Variants in MTOR observed in about 807,000 individuals in gnomAD.
MTOR encodes mechanistic target of rapamycin kinase, also known as serine/threonine-protein kinase mTOR.
In MTOR, 70 loss-of-function variants were observed where a neutral mutation model predicts 319.8. The observed-to-expected ratio is 0.22, with a 90% confidence interval of 0.18 to 0.27. The LOEUF (loss-of-function observed/expected upper bound fraction) is 0.27. Ranked by LOEUF, MTOR falls within the 10% of genes least tolerant of loss-of-function variation. MTOR has a pLI of 1.00. For missense variants in MTOR, 1,890 were observed against 3,274.4 expected (o/e 0.58, Z 10.32); for synonymous variants, 1,183 against 1,211.4 (o/e 0.98, Z 0.49).
At chr1:11,156,094 G>T (rs1644311043) in intron 30 of MTOR, among the ~76,000 whole-genome samples, 1 of 152,128 alleles carries the variant, frequency 6.6e-6, no homozygotes, top group Non-Finnish European at 1.5e-5. Flanking sequence ...GGGTTCAAGT[G>T]ATCCTCCTGC....
chr1:11,250,125 G>C (rs1446186575), intron 6 of MTOR, among the ~76,000 whole-genome samples: 1 of 147,606 alleles, frequency 6.8e-6, no homozygotes, highest in Non-Finnish European at 1.5e-5. Flanking sequence ...GGGGCGGCCG[G>C]GCAGAGGCGC....
intron 5 of MTOR, among the ~76,000 whole-genome samples, chr1:11,254,312 G>C (rs2100968341): frequency 1.3e-5 from 2 of 152,122 alleles, no homozygotes; most frequent in South Asian, 4.1e-4. Flanking sequence ...GCTAATTTTT[G>C]TATTTTTAGT....
At chr1:11,110,126 A>C (rs907822937) in intron 54 of MTOR, among the ~76,000 whole-genome samples, 10 of 152,252 alleles carry the variant, frequency 6.6e-5, no homozygotes, top group Admixed American at 5.9e-4. Flanking sequence ...AAATAAACTC[A>C]TAGGAATAAG....
chr1:11,122,362 C>T (rs182209990), intron 47 of MTOR, among the ~76,000 whole-genome samples: 258 of 151,660 alleles, frequency 1.7e-3, no homozygotes, highest in African/African-American at 6.1e-3. Context: ...TGCCACCATG[C>T]CCAACTAATC....
chr1:11,223,388 T>C (rs763128302), intron 19 of MTOR, among the ~76,000 whole-genome samples: 2 of 152,090 alleles, frequency 1.3e-5, no homozygotes, highest in African/African-American at 2.4e-5. Context: ...TGTGGTTACA[T>C]GGGAAAAAGT....
At chr1:11,168,372 A>C (rs886892665) in intron 28 of MTOR, among the ~76,000 whole-genome samples, 4 of 152,186 alleles carry the variant, frequency 2.6e-5, no homozygotes, top group South Asian at 4.2e-4. Flanking sequence ...TTAACTTCTC[A>C]TCAGTTGCCT....
At chr1:11,233,078 C>CA in intron 15 of MTOR, 12 of 1,094,126 alleles carry the variant, frequency 1.1e-5, no homozygotes, top group African/African-American at 1.6e-5. Context: ...GGTACAACTC[C>CA]AAAAAAAGAC....
intron 47 of MTOR, among the ~76,000 whole-genome samples, chr1:11,123,406 C>T (rs1642645208): frequency 6.8e-6 from 1 of 148,134 alleles, no homozygotes; most frequent in Admixed American, 6.8e-5. Context: ...ACACTGTGCC[C>T]AGCTTTTTTT....
intron 26 of MTOR, among the ~76,000 whole-genome samples, chr1:11,201,252 T>C (rs1165922461): frequency 6.6e-6 from 1 of 152,092 alleles, no homozygotes; most frequent in Admixed American, 6.5e-5. Context: ...ATAAAAACAT[T>C]GTGTATATCA....
intron 28 of MTOR, among the ~76,000 whole-genome samples, chr1:11,188,980 C>T (rs1031048002): frequency 5.0e-4 from 76 of 152,188 alleles, no homozygotes; most frequent in African/African-American, 1.7e-3. Flanking sequence ...GGGTGAGTAG[C>T]GTCTCTTTCG....
At chr1:11,196,213 T>G (rs1418355323) in intron 28 of MTOR, among the ~76,000 whole-genome samples, 1 of 152,154 alleles carries the variant, frequency 6.6e-6, no homozygotes, top group East Asian at 1.9e-4. Flanking sequence ...CATCCAGCCT[T>G]ATCAGACCCT....
intron 1 of MTOR, among the ~76,000 whole-genome samples, chr1:11,261,686 C>T (rs1044371859): frequency 3.9e-5 from 6 of 152,042 alleles, no homozygotes; most frequent in African/African-American, 1.2e-4. Context: ...AAATACTCCA[C>T]TGCCAAGAAG....
At chr1:11,232,714 AAAATAC>A (rs1430228805) in intron 15 of MTOR, among the ~76,000 whole-genome samples, 186 bp from the exon 16 acceptor site, 30 of 152,066 alleles carry the variant, frequency 2.0e-4, no homozygotes, top group African/African-American at 6.3e-4. Context: ...ATCTCTACTA[AAAATAC>A]AAGAATTAGC....
At chr1:11,203,764 C>T (rs962479912) in intron 26 of MTOR, among the ~76,000 whole-genome samples, 1 of 152,238 alleles carries the variant, frequency 6.6e-6, no homozygotes, top group African/African-American at 2.4e-5. Flanking sequence ...ATTACTTCTC[C>T]TCTCTCAAGA....
intron 19 of MTOR, among the ~76,000 whole-genome samples, chr1:11,226,618 C>G (rs189965391): frequency 4.7e-4 from 72 of 151,886 alleles, no homozygotes; most frequent in Non-Finnish European, 9.7e-4. Flanking sequence ...TGGCGAAACC[C>G]AAAAAATCAG....
At position 11,136,810 on chromosome 1, in the gene MTOR, T is replaced by C. The variant is rs193009588; in HGVS notation, c.5131-2344A>G. Among the ~76,000 whole-genome samples, 368 of 151,042 alleles carry C rather than the reference T, an allele frequency of 2.4e-3. 4 individuals are homozygous for C. The highest frequency in any genetic ancestry group is 8.1e-3 in the African/African-American group (334 of 41,102). On this transcript the variant is annotated intron_variant, in intron 36 of 57. Transcript: ENST00000361445. ...GAACCACCCTTTAGTTTTTTTTTTT[T>C]CTAGGAGAACTACATTGACCAGTCT...
chr1:11,185,028 T>G (rs1302300890), intron 28 of MTOR, among the ~76,000 whole-genome samples: 2 of 152,174 alleles, frequency 1.3e-5, no homozygotes, highest in African/African-American at 4.8e-5. Context: ...TACAACATCC[T>G]CTCCCATTCC....
In MTOR at chr1:11,239,688, T is replaced by C. The variant is rs963795613; in HGVS notation, c.1786+615A>G. 4.6e-5 allele frequency among the ~76,000 whole-genome samples: 7 copies of C among 152,164 alleles called. 1 individual carries two copies. Among genetic ancestry groups the C allele is most frequent in the Admixed American group, 4.6e-4 (7 of 15,276 alleles). ...GGGAGGTCGAGGCAGGCAGATCACTTGAGGTCAGGAGTTCCAGACCAACCT... is the reference window on the plus strand; with the variant it reads ...GGGAGGTCGAGGCAGGCAGATCACTCGAGGTCAGGAGTTCCAGACCAACCT... On this transcript the variant is annotated intron_variant, in intron 11 of 57. Coordinates refer to ENST00000361445, the MANE Select transcript of MTOR (RefSeq NM_004958.4).
chr1:11,181,753 G>A (rs1294373027), intron 28 of MTOR, among the ~76,000 whole-genome samples: 1 of 152,226 alleles, frequency 6.6e-6, no homozygotes, highest in Non-Finnish European at 1.5e-5. Flanking sequence ...TTAGGGGGAA[G>A]AGAACCTTCT....
Sources: allele counts gnomAD v4.1 joint callset (sites outside exome capture counted in the v4.1 genomes callset), GRCh38; gene constraint gnomAD v4.1.1; transcripts MANE v1.5; gene names NCBI Gene and HGNC (gene_info 2026-07-23, HGNC 2026-07-21).